LCLAT1: variants seen among roughly 807,000 people sequenced by gnomAD.
The protein encoded by LCLAT1 is 1-AGP acyltransferase 8.
LCLAT1 carries 11 observed loss-of-function variants against 30.7 expected under a neutral mutation model. The ratio of observed to expected loss-of-function variants is 0.36; its 90% CI spans 0.23 to 0.59. The LOEUF is 0.59. LCLAT1 is among the 20% of genes least tolerant of loss of function. The pLI is 0.77. For synonymous variants in LCLAT1, 155 were observed against 151.3 expected, an observed-to-expected ratio of 1.02 and a Z score of -0.18; for missense variants, 402 against 458.6, an observed-to-expected ratio of 0.88 and a Z score of 1.13.
At chr2:30,595,401 CATT>C (rs944107711) in intron 5 of LCLAT1, among the ~76,000 whole-genome samples, 3 of 152,136 alleles carry the variant, frequency 2.0e-5, no homozygotes, top group African/African-American at 7.2e-5. Context: ...ATGTGCCAAG[CATT>C]ATTGAGCTAT....
intron 3 of LCLAT1, among the ~76,000 whole-genome samples, chr2:30,557,413 A>G (rs1664976139): frequency 6.6e-6 from 1 of 150,466 alleles, no homozygotes; most frequent in Non-Finnish European, 1.5e-5. Context: ...AAAAATTCAC[A>G]TCAATTTTTT....
intron 1 of LCLAT1, among the ~76,000 whole-genome samples, chr2:30,506,817 G>A (rs1243479004): frequency 6.6e-6 from 1 of 152,074 alleles, no homozygotes; most frequent in African/African-American, 2.4e-5. Context: ...TCAGAATGAG[G>A]CTGTGCAAAT....
intron 5 of LCLAT1, among the ~76,000 whole-genome samples, chr2:30,612,313 A>G (rs1180448897): frequency 6.6e-6 from 1 of 152,170 alleles, no homozygotes; most frequent in Non-Finnish European, 1.5e-5. Flanking sequence ...GAGTATTTAT[A>G]TCACGGTTTG....
chr2:30,599,373 A>T (rs1658562002), intron 5 of LCLAT1, among the ~76,000 whole-genome samples: 1 of 152,168 alleles, frequency 6.6e-6, no homozygotes, highest in Non-Finnish European at 1.5e-5. Context: ...CTTGCTGAGG[A>T]GTGTTTTACT....
intron 1 of LCLAT1, among the ~76,000 whole-genome samples, chr2:30,465,723 A>C (rs908916066): frequency 1.3e-5 from 2 of 152,186 alleles, no homozygotes; most frequent in African/African-American, 4.8e-5. Context: ...GTTAATAAGG[A>C]AATATTTTGA....
chr2:30,532,755 C>A (rs1686045314), intron 2 of LCLAT1, among the ~76,000 whole-genome samples: 1 of 151,400 alleles, frequency 6.6e-6, no homozygotes, highest in South Asian at 2.1e-4. Flanking sequence ...AGTGCTAATT[C>A]TTTGACTGTT....
At chr2:30,572,828 T>C (rs115045036) in intron 5 of LCLAT1, among the ~76,000 whole-genome samples, 23 of 152,236 alleles carry the variant, frequency 1.5e-4, no homozygotes, top group Non-Finnish European at 3.1e-4. Context: ...TTTATTTTTC[T>C]GATTCCTGCC....
chr2:30,614,317 A>G (rs527717419), intron 5 of LCLAT1, among the ~76,000 whole-genome samples: 8 of 145,584 alleles, frequency 5.5e-5, no homozygotes, highest in African/African-American at 2.1e-4. Flanking sequence ...GGGTAAGGTT[A>G]TAGATTAACA....
At chr2:30,519,699 T>C (rs1685378562) in intron 1 of LCLAT1, among the ~76,000 whole-genome samples, 1 of 152,122 alleles carries the variant, frequency 6.6e-6, no homozygotes, top group African/African-American at 2.4e-5. Context: ...ATCTATCACC[T>C]GAGAGCACCC....
intron 5 of LCLAT1, among the ~76,000 whole-genome samples, chr2:30,636,206 G>A (rs1237898117): frequency 6.6e-6 from 1 of 152,150 alleles, no homozygotes; most frequent in African/African-American, 2.4e-5. Context: ...TGGCAATTTT[G>A]TGAAATATTC....
chr2:30,516,567 A>G (rs1685195100), intron 1 of LCLAT1, among the ~76,000 whole-genome samples: 1 of 151,578 alleles, frequency 6.6e-6, no homozygotes, highest in Non-Finnish European at 1.5e-5. Context: ...GAGCTATAAC[A>G]CTCCCCTCGT....
chr2:30,552,211 T>A (rs2148425198), intron 3 of LCLAT1, among the ~76,000 whole-genome samples: 1 of 152,306 alleles, frequency 6.6e-6, no homozygotes, highest in East Asian at 1.9e-4. Context: ...CAATCTCATA[T>A]AATATGAAAG....
At chr2:30,487,290 A>C (rs1038985807) in intron 1 of LCLAT1, among the ~76,000 whole-genome samples, 5 of 152,214 alleles carry the variant, frequency 3.3e-5, no homozygotes, top group Admixed American at 3.3e-4. Flanking sequence ...CAATGGTGGC[A>C]AGTTTAGTTA....
At chr2:30,492,879 A>C (rs1287572660) in intron 1 of LCLAT1, among the ~76,000 whole-genome samples, 1 of 152,182 alleles carries the variant, frequency 6.6e-6, no homozygotes, top group Non-Finnish European at 1.5e-5. Context: ...GACTCTGTGA[A>C]TTTCATTTAT....
chr2:30,609,592 A>G (rs1667633414), intron 5 of LCLAT1, among the ~76,000 whole-genome samples: 1 of 152,116 alleles, frequency 6.6e-6, no homozygotes, highest in South Asian at 2.1e-4. Flanking sequence ...TTCCATAGTG[A>G]AGACCCAGTT....
At chr2:30,485,612 A>G (rs997570603) in intron 1 of LCLAT1, among the ~76,000 whole-genome samples, 2 of 152,100 alleles carry the variant, frequency 1.3e-5, no homozygotes, top group African/African-American at 4.8e-5. Context: ...ATTTATTTTT[A>G]TCTCATAGTT....
intron 5 of LCLAT1, among the ~76,000 whole-genome samples, chr2:30,636,054 C>G (rs1478644103): frequency 6.6e-6 from 1 of 152,100 alleles, no homozygotes; most frequent in Non-Finnish European, 1.5e-5. Context: ...TAAGCATTCA[C>G]AGGGGGCAAG....
chr2:30,585,139 C>T (rs1264727076), intron 5 of LCLAT1, among the ~76,000 whole-genome samples: 2 of 152,028 alleles, frequency 1.3e-5, no homozygotes, highest in Non-Finnish European at 2.9e-5. Flanking sequence ...TGCCTTATTG[C>T]CTTCATTAAA....
At chr2:30,498,155 G>A (rs1684207654) in intron 1 of LCLAT1, among the ~76,000 whole-genome samples, 1 of 152,216 alleles carries the variant, frequency 6.6e-6, no homozygotes, top group Non-Finnish European at 1.5e-5. Context: ...CTGCAACTGA[G>A]AGGGGGCCTG....
Sources: gnomAD v4.1 joint callset for allele counts (sites outside exome capture counted in the v4.1 genomes callset) on GRCh38, gnomAD v4.1.1 for gene constraint, MANE v1.5 for transcripts, NCBI Gene and HGNC (gene_info 2026-07-23, HGNC 2026-07-21) for gene names.